Variants in BMPR2 observed in about 807,000 individuals in gnomAD.
BMPR2 encodes the protein bone morphogenetic protein receptor type-2.
A neutral mutation model predicts 100.8 loss-of-function variants in BMPR2; 29 were observed. That is an observed-to-expected ratio of 0.29 (90% confidence interval 0.21 to 0.39). The LOEUF (loss-of-function observed/expected upper bound fraction) is 0.39. Among genes scored for constraint, BMPR2 ranks in the 10% least tolerant of loss-of-function variants. BMPR2 has a pLI of 1.00. For missense variants in BMPR2, 1,011 were observed against 1,274.5 expected (o/e 0.79, Z 3.15); for synonymous variants, 382 against 442.3 (o/e 0.86, Z 1.71).
intron 1 of BMPR2, among the ~76,000 whole-genome samples, chr2:202,440,979 A>G (rs1047316549): frequency 4.0e-5 from 6 of 150,008 alleles, no homozygotes; most frequent in African/African-American, 1.3e-4. Context: ...TATTATTATT[A>G]TTGTTATTAT....
intron 1 of BMPR2, among the ~76,000 whole-genome samples, chr2:202,399,713 T>C (rs916892151): frequency 2.0e-5 from 3 of 152,024 alleles, no homozygotes; most frequent in African/African-American, 7.2e-5. Flanking sequence ...TAGTGGCAGG[T>C]TGGATTTTTT....
chr2:202,556,430 G>A lies in BMPR2; in HGVS notation c.2765G>A (p.Ser922Asn). 6.2e-7 allele frequency: 1 copy of A among 1,614,146 alleles called. No homozygotes were observed. Among genetic ancestry groups the A allele is most frequent in the Non-Finnish European group, 8.5e-7 (1 of 1,180,024 alleles). ...EQDVLAQGVP[S>N]TAADPGPSKP... The stretch of plus-strand genomic sequence containing the variant: ...GATGTTCTTGCACAGGGTGTTCCAA[G>A]CACAGCAGCAGATCCTGGGCCATCA... Residue 922 changes from serine (S) to asparagine (N), a missense_variant, in exon 12 of 13, where the codon AGC becomes AAC. Transcript: ENST00000374580.
chr2:202,469,098 T>C (rs1692382180), intron 3 of BMPR2, among the ~76,000 whole-genome samples: 1 of 152,200 alleles, frequency 6.6e-6, no homozygotes, highest in Non-Finnish European at 1.5e-5. Context: ...TGGCACGATC[T>C]CGGCTCACCA....
chr2:202,421,305 A>G (rs987612543), intron 1 of BMPR2, among the ~76,000 whole-genome samples: 2 of 144,420 alleles, frequency 1.4e-5, no homozygotes, highest in African/African-American at 5.2e-5. Context: ...CCACATCTCC[A>G]AAAGGAAAAA....
intron 3 of BMPR2, among the ~76,000 whole-genome samples, chr2:202,479,673 T>C (rs1257028178): frequency 6.6e-6 from 1 of 152,148 alleles, no homozygotes; most frequent in Non-Finnish European, 1.5e-5. Flanking sequence ...TAAGCACTAC[T>C]GTGTTTTAAC....
chr2:202,502,668 T>A lies in BMPR2; in HGVS notation c.419-11051T>A, dbSNP rs185446350. ...TCCCAAATAGACTCTTTGGCAGCAG[T>A]GACTCTCCAAAACCGCCGAGGCCTA... is the stretch of plus-strand genomic sequence containing the variant. On this transcript the variant is annotated intron_variant, in intron 3 of 12. Transcript: ENST00000374580. Among the ~76,000 whole-genome samples, 486 of 152,294 alleles carry A rather than the reference T, an allele frequency of 3.2e-3. 2 individuals are homozygous for A. Among genetic ancestry groups the A allele is most frequent in the African/African-American group, 0.011 (471 of 41,554 alleles).
intron 5 of BMPR2, among the ~76,000 whole-genome samples, chr2:202,515,541 A>C (rs1207821351): frequency 6.6e-6 from 1 of 151,194 alleles, no homozygotes; most frequent in East Asian, 1.9e-4. Context: ...ATTGCACTCT[A>C]GCCTGGGCAA....
rs367747637 is a variant in BMPR2 at position 202,514,874 on chromosome 2, T to A, written c.530-14T>A. ...GAAAACCATATATTAGTAACCTGTT[T>A]CCTGTTCTTATAGGAGACCGTAAAC... is the stretch of plus-strand genomic sequence containing the variant. On this transcript the variant is annotated splice_polypyrimidine_tract_variant and intron_variant, in intron 4 of 12. Coordinates refer to ENST00000374580, the MANE Select transcript of BMPR2 (RefSeq NM_001204.7). 1.2e-6 allele frequency: 2 copies of A among 1,606,252 alleles called. No homozygotes were observed. Among genetic ancestry groups the A allele is most frequent in the Non-Finnish European group, 1.7e-6 (2 of 1,173,048 alleles).
chr2:202,512,576 C>G (rs1050804634), intron 3 of BMPR2, among the ~76,000 whole-genome samples: 1 of 152,158 alleles, frequency 6.6e-6, no homozygotes, highest in Non-Finnish European at 1.5e-5. Flanking sequence ...CATCACAGTT[C>G]AGAGGTCTCA....
At chr2:202,428,595 A>G (rs987473793) in intron 1 of BMPR2, among the ~76,000 whole-genome samples, 22 of 151,586 alleles carry the variant, frequency 1.5e-4, no homozygotes, top group Admixed American at 1.2e-3. Context: ...TTTGGTAGAG[A>G]TGGGTCCTCG....
At chr2:202,524,836 C>T (rs996125956) in intron 7 of BMPR2, among the ~76,000 whole-genome samples, 6 of 151,696 alleles carry the variant, frequency 4.0e-5, no homozygotes, top group East Asian at 1.9e-4. Context: ...AGTACGAGAC[C>T]AGCCTGGCCA....
intron 5 of BMPR2, among the ~76,000 whole-genome samples, chr2:202,515,501 G>A (rs531460801): frequency 6.6e-6 from 1 of 151,520 alleles, no homozygotes; most frequent in African/African-American, 2.4e-5. Context: ...AACCCGGGAG[G>A]CAGAGGTTGC....
intron 3 of BMPR2, among the ~76,000 whole-genome samples, chr2:202,469,851 A>AGG (rs1356356977): frequency 9.9e-5 from 15 of 151,454 alleles, no homozygotes; most frequent in South Asian, 2.1e-4. Context: ...AGGGGGGGAA[A>AGG]AAAAGCCCTG....
chr2:202,443,090 T>A (rs563742369), intron 1 of BMPR2, among the ~76,000 whole-genome samples: 4 of 150,696 alleles, frequency 2.7e-5, no homozygotes, highest in Non-Finnish European at 4.4e-5. Flanking sequence ...ATCTTTTTTC[T>A]ACACTGTGGG....
intron 1 of BMPR2, among the ~76,000 whole-genome samples, chr2:202,448,178 G>T (rs920143723): frequency 1.3e-5 from 2 of 150,492 alleles, no homozygotes; most frequent in African/African-American, 5.0e-5. Context: ...GGCCAGGCGC[G>T]GTGGCTCAAG....
intron 3 of BMPR2, among the ~76,000 whole-genome samples, chr2:202,504,073 G>C (rs1183359749): frequency 6.6e-6 from 1 of 151,968 alleles, no homozygotes; most frequent in Non-Finnish European, 1.5e-5. Flanking sequence ...GAGAACCTTT[G>C]TGTCTAGCTC....
At chr2:202,548,499 A>G (rs1688415800) in intron 10 of BMPR2, among the ~76,000 whole-genome samples, 1 of 152,148 alleles carries the variant, frequency 6.6e-6, no homozygotes, top group African/African-American at 2.4e-5. Flanking sequence ...TACATATAGT[A>G]TAATACTTAA....
intron 1 of BMPR2, among the ~76,000 whole-genome samples, chr2:202,455,373 C>A (rs1692072121): frequency 6.6e-6 from 1 of 152,054 alleles, no homozygotes; most frequent in African/African-American, 2.4e-5. Context: ...CATAGCCAGA[C>A]CCCATCTCTA....
At chr2:202,383,996 AC>A (rs1360990830) in intron 1 of BMPR2, among the ~76,000 whole-genome samples, 1 of 151,986 alleles carries the variant, frequency 6.6e-6, no homozygotes, top group Admixed American at 6.6e-5. Context: ...ACATGGTGAA[AC>A]CCCATCTCTA....
Sources: gnomAD v4.1 joint callset for allele counts (sites outside exome capture counted in the v4.1 genomes callset) on GRCh38, gnomAD v4.1.1 for gene constraint, MANE v1.5 for transcripts, NCBI Gene and HGNC (gene_info 2026-07-23, HGNC 2026-07-21) for gene names.